TEX10: variants seen among roughly 807,000 people sequenced by gnomAD.
The protein encoded by TEX10 is testis expressed 10, also known as testis-expressed protein 10.
Under a neutral mutation model 104.4 loss-of-function variants are expected in TEX10, and 24 were observed. That is an observed-to-expected ratio of 0.23 (90% CI 0.17 to 0.32). The LOEUF is 0.32. Among genes scored for constraint, TEX10 ranks in the 10% least tolerant of loss-of-function variants. The probability of loss-of-function intolerance (pLI) is 1.00; values close to 1 mark genes in which losing one functional copy is unlikely to be tolerated. For missense variants in TEX10, 921 were observed against 1,083.9 expected (o/e 0.85, Z 2.11); for synonymous variants, 396 against 393.4 (o/e 1.01, Z -0.08).
chr9:100,349,204 T>C lies in TEX10; in HGVS notation c.160A>G (p.Asn54Asp), dbSNP rs779533186. ...TTTACCTTTATGTTAAGTTTTCTATTGTTTGTTGGAAGTGTTCCATCCTCT... is the reference window on the plus strand; with the variant it reads ...TTTACCTTTATGTTAAGTTTTCTATCGTTTGTTGGAAGTGTTCCATCCTCT... Reference protein sequence around the residue: ...LKEDGTLPTNNRKLNIKDLLS... With the variant: ...LKEDGTLPTNDRKLNIKDLLS... Residue 54 changes from asparagine to aspartate, a missense_variant, in exon 2 of 15, where the codon AAT becomes GAT. This residue lies in a region of TEX10 where 118 missense variants were observed against 111.3 expected (regional missense o/e 1.06). Transcript: ENST00000374902. 4 of 1,548,158 alleles carry C rather than the reference T, an allele frequency of 2.6e-6. No individual in the cohort carries two copies. The highest frequency in any genetic ancestry group is 1.7e-6 in the Non-Finnish European group (2 of 1,156,382).
At chr9:100,333,362 A>C (rs904832608) in intron 5 of TEX10, among the ~76,000 whole-genome samples, 1 of 152,224 alleles carries the variant, frequency 6.6e-6, no homozygotes, top group Non-Finnish European at 1.5e-5. Flanking sequence ...TCATTCTAGC[A>C]GTTTAAGGAA....
chr9:100,343,037 T>C (rs1284198731), intron 4 of TEX10, among the ~76,000 whole-genome samples: 2 of 150,884 alleles, frequency 1.3e-5, no homozygotes, highest in Non-Finnish European at 2.9e-5. Flanking sequence ...TAGTCCCAGA[T>C]ACTTGGGAGG....
chr9:100,327,289 A>G (rs908464302), intron 8 of TEX10, among the ~76,000 whole-genome samples: 1 of 152,078 alleles, frequency 6.6e-6, no homozygotes, highest in African/African-American at 2.4e-5. Flanking sequence ...ATTTTTTAAA[A>G]TTCATTGAAC....
At chr9:100,314,632 C>T (rs1834368937) in intron 11 of TEX10, among the ~76,000 whole-genome samples, 1 of 152,032 alleles carries the variant, frequency 6.6e-6, no homozygotes, top group Non-Finnish European at 1.5e-5. Flanking sequence ...AGTCTAGCTA[C>T]CGGCTATCAA....
chr9:100,336,372 C>T (rs1270130337), intron 5 of TEX10, among the ~76,000 whole-genome samples: 1 of 152,102 alleles, frequency 6.6e-6, no homozygotes, highest in African/African-American at 2.4e-5. Flanking sequence ...CAGCTGCTCC[C>T]CATTGCTCAC....
rs1346201684 is a variant in TEX10 at position 100,351,361 on chromosome 9, C to CTT, written c.-10+1409_-10+1410dup. Among the ~76,000 whole-genome samples the CTT allele has an allele frequency of 4.3e-4, 16 of 37,496 alleles. No homozygotes were observed. In the East Asian group the frequency reaches 7.9e-3, roughly 19 times the overall value. 24.6% of individuals were successfully genotyped at this position (37,496 alleles called of 152,430 possible). On this transcript the variant is annotated intron_variant, in intron 1 of 14. Transcript: ENST00000374902. ...CACCCACACCTCTAGTTACCTTAGTCTTAAAAAACAAAACAAAACAAAAAA... is the reference window on the plus strand; with the variant it reads ...CACCCACACCTCTAGTTACCTTAGTCTTTTAAAAAACAAAACAAAACAAAAAA...
At chr9:100,321,250 T>C (rs1834564288) in intron 10 of TEX10, among the ~76,000 whole-genome samples, 1 of 152,242 alleles carries the variant, frequency 6.6e-6, no homozygotes, top group Non-Finnish European at 1.5e-5. Flanking sequence ...GTATTGGATC[T>C]GTCAAGTTCT....
intron 11 of TEX10, among the ~76,000 whole-genome samples, chr9:100,317,760 C>T (rs1280483198): frequency 6.6e-6 from 1 of 151,942 alleles, no homozygotes; most frequent in Non-Finnish European, 1.5e-5. Flanking sequence ...CAAAAATTTA[C>T]AATACAAGGA....
chr9:100,312,238 G>A (rs1261221973), intron 11 of TEX10, among the ~76,000 whole-genome samples: 1 of 152,156 alleles, frequency 6.6e-6, no homozygotes, highest in South Asian at 2.1e-4. Context: ...AAACAATTCA[G>A]TTCTAAAGCC....
intron 11 of TEX10, among the ~76,000 whole-genome samples, chr9:100,310,724 C>T (rs1478420707): frequency 6.6e-6 from 1 of 152,188 alleles, no homozygotes; most frequent in African/African-American, 2.4e-5. Flanking sequence ...CAGGTGTGAG[C>T]CACTGTGCCC....
intron 4 of TEX10, among the ~76,000 whole-genome samples, chr9:100,343,708 A>C (rs982687430): frequency 1.3e-5 from 2 of 152,244 alleles, no homozygotes; most frequent in African/African-American, 4.8e-5. Flanking sequence ...GCAAACAGTC[A>C]GTAGTCCTAA....
intron 3 of TEX10, among the ~76,000 whole-genome samples, 177 bp downstream of exon 3, chr9:100,346,517 C>T (rs1004781693): frequency 6.6e-6 from 1 of 152,114 alleles, no homozygotes; most frequent in Non-Finnish European, 1.5e-5. Context: ...AAAGGCTTTG[C>T]TATAAATAAA....
Position 100,352,897 on chromosome 9 carries a change from C to A in TEX10, c.-135G>T. 5.0e-6 allele frequency: 5 copies of A among 992,664 alleles called. No individual in the cohort carries two copies. Among genetic ancestry groups the A allele is most frequent in the Non-Finnish European group, 6.0e-6 (5 of 835,392 alleles). The allele number at this position is 992,664 out of a possible 1,614,324, so 61.5% of individuals were successfully genotyped here. Reference sequence around the variant, plus strand: ...CTCCCGGAGCGTGTTTTCAAATAGCCTCGTCCTCACGCGGCCGCGTCTCCT... The same window carrying A: ...CTCCCGGAGCGTGTTTTCAAATAGCATCGTCCTCACGCGGCCGCGTCTCCT... On this transcript the variant is annotated 5_prime_UTR_variant, in exon 1 of 15. It adds an upstream start codon to the 5' untranslated region. Transcript: ENST00000374902.
At position 100,314,733 on chromosome 9, in the gene TEX10, G is replaced by C. The variant is rs142863928; in HGVS notation, c.2203-4354C>G. 4.2e-3 allele frequency among the ~76,000 whole-genome samples: 643 copies of C among 152,116 alleles called. 4 individuals carry two copies. Among genetic ancestry groups the C allele is most frequent in the African/African-American group, 0.015 (618 of 41,508 alleles). On this transcript the variant is annotated intron_variant, in intron 11 of 14. Coordinates refer to ENST00000374902, the MANE Select transcript of TEX10 (RefSeq NM_017746.4). ...TTCATTTAGTTCTGCTCTAATCTTT[G>C]TTATTTCTTGTCTTCTGCTAATTTT...
At chr9:100,345,826 A>G (rs1365298649) in intron 4 of TEX10, among the ~76,000 whole-genome samples, 1 of 152,072 alleles carries the variant, frequency 6.6e-6, no homozygotes, top group Admixed American at 6.5e-5. Flanking sequence ...TATAGCCAGT[A>G]AAAAACTAAT....
In TEX10 at chr9:100,346,120, A is replaced by G. The variant is rs1257183013; in HGVS notation, c.1089T>C (p.Ile363=). The G allele has an allele frequency of 6.2e-7, 1 of 1,614,014 alleles. No individual in the cohort carries two copies. Among genetic ancestry groups the G allele is most frequent in the South Asian group, 1.1e-5 (1 of 91,064 alleles). The stretch of plus-strand genomic sequence containing the variant: ...GTTTAGAGAGTTTCCACAGAAGGGA[A>G]ATAATATTAAGAACTTGCTGCATAA... The part of the protein sequence containing the change: ...LQVMQQVLNI[I]SLLWKLSKQQ... Residue 363 remains isoleucine, a synonymous_variant, in exon 4 of 15, where the codon ATT becomes ATC. Coordinates refer to ENST00000374902, the MANE Select transcript of TEX10 (RefSeq NM_017746.4).
At chr9:100,319,892 C>G (rs1425037029) in intron 11 of TEX10, among the ~76,000 whole-genome samples, 1 of 152,124 alleles carries the variant, frequency 6.6e-6, no homozygotes, top group Non-Finnish European at 1.5e-5. Flanking sequence ...AATTTAATTT[C>G]AATAAGTTAC....
intron 11 of TEX10, among the ~76,000 whole-genome samples, chr9:100,318,804 C>CT (rs1834489198): frequency 6.6e-6 from 1 of 152,172 alleles, no homozygotes; most frequent in Non-Finnish European, 1.5e-5. Context: ...TGCCATATGC[C>CT]TACAGCCCCA....
At chr9:100,305,385 G>C (rs971742903) in intron 13 of TEX10, 44 of 152,224 alleles carry the variant, frequency 2.9e-4, no homozygotes, top group African/African-American at 9.9e-4. Context: ...AGCCCAGCTG[G>C]GACAGTCACG....
Sources: gnomAD v4.1 joint callset for allele counts (sites outside exome capture counted in the v4.1 genomes callset) on GRCh38, gnomAD v4.1.1 for gene constraint, gnomAD v4.1.1 regional missense constraint, MANE v1.5 for transcripts, NCBI Gene and HGNC (gene_info 2026-07-23, HGNC 2026-07-21) for gene names.